Variants in CDH13 observed in about 807,000 individuals in gnomAD.
The protein encoded by CDH13 is cadherin-13.
A neutral mutation model predicts 63.8 loss-of-function variants in CDH13; 24 were observed. The ratio of observed to expected loss-of-function variants is 0.38; its 90% CI spans 0.27 to 0.53. The LOEUF is 0.53. CDH13 is among the 20% of genes least tolerant of loss of function. The probability of loss-of-function intolerance (pLI) is 0.85; values close to 1 mark genes in which losing one functional copy is unlikely to be tolerated. For missense variants in CDH13, 1,049 were observed against 903.1 expected (o/e 1.16, Z -2.07); for synonymous variants, 503 against 355.3 (o/e 1.42, Z -4.67).
At chr16:82,742,122 A>G (rs555977627) in intron 1 of CDH13, among the ~76,000 whole-genome samples, 5 of 152,182 alleles carry the variant, frequency 3.3e-5, no homozygotes, top group African/African-American at 4.8e-5. Flanking sequence ...AGTTAATAAA[A>G]TGGGAAAAGG....
At chr16:83,233,761 C>G (rs964667022) in intron 5 of CDH13, among the ~76,000 whole-genome samples, 3 of 152,166 alleles carry the variant, frequency 2.0e-5, no homozygotes, top group Non-Finnish European at 4.4e-5. Context: ...AATCCAGGAT[C>G]CTTTCTTTAA....
At chr16:83,487,884 C>T (rs946808678) in intron 7 of CDH13, among the ~76,000 whole-genome samples, 3 of 152,196 alleles carry the variant, frequency 2.0e-5, no homozygotes, top group Admixed American at 1.3e-4. Context: ...TTCTGGATTA[C>T]ATCAACCCCT....
At chr16:83,565,284 T>C (rs2075772941) in intron 7 of CDH13, among the ~76,000 whole-genome samples, 1 of 151,916 alleles carries the variant, frequency 6.6e-6, no homozygotes, top group South Asian at 2.1e-4. Context: ...GAAAGAGTTC[T>C]CGAAGCCCTC....
intron 7 of CDH13, among the ~76,000 whole-genome samples, chr16:83,547,111 G>A (rs902536381): frequency 6.6e-6 from 1 of 152,140 alleles, no homozygotes; most frequent in Non-Finnish European, 1.5e-5. Context: ...GGAGAATGGT[G>A]GAGTATGATA....
chr16:83,089,738 G>T (rs1312337479), intron 3 of CDH13, among the ~76,000 whole-genome samples: 2 of 152,142 alleles, frequency 1.3e-5, no homozygotes, highest in African/African-American at 2.4e-5. Context: ...TGCTATAAGG[G>T]CTACACGTCG....
At chr16:83,359,319 C>G (rs1384295822) in intron 6 of CDH13, among the ~76,000 whole-genome samples, 1 of 152,138 alleles carries the variant, frequency 6.6e-6, no homozygotes, top group Non-Finnish European at 1.5e-5. Flanking sequence ...AACAATGCCC[C>G]AAAAGGATGG....
At chr16:82,903,995 A>C (rs1418218827) in intron 2 of CDH13, among the ~76,000 whole-genome samples, 1 of 152,176 alleles carries the variant, frequency 6.6e-6, no homozygotes, top group African/African-American at 2.4e-5. Context: ...GAAGTCATAG[A>C]ATCCTGTGAT....
chr16:83,516,260 AC>A (rs2074696993), intron 7 of CDH13, among the ~76,000 whole-genome samples: 1 of 152,154 alleles, frequency 6.6e-6, no homozygotes, highest in African/African-American at 2.4e-5. Context: ...CAGCACTGGA[AC>A]CGTTTGGGGA....
intron 6 of CDH13, among the ~76,000 whole-genome samples, chr16:83,402,244 G>A (rs752690159): frequency 6.6e-5 from 10 of 152,004 alleles, no homozygotes; most frequent in South Asian, 4.2e-4. Context: ...TCTGGCTCCC[G>A]GAGCGCCACC....
chr16:83,573,368 G>C (rs898105912), intron 7 of CDH13, among the ~76,000 whole-genome samples: 1 of 152,154 alleles, frequency 6.6e-6, no homozygotes, highest in Non-Finnish European at 1.5e-5. Context: ...GAAGCCAATG[G>C]GTTCAGCAAA....
chr16:83,215,500 G>T (rs909291784), intron 4 of CDH13, among the ~76,000 whole-genome samples: 12 of 33,070 alleles, frequency 3.6e-4, no homozygotes, highest in Admixed American at 2.9e-3. Flanking sequence ...TTTTTTAATC[G>T]GAAAAAAAAA....
At chr16:83,434,687 C>G (rs2072232667) in intron 6 of CDH13, among the ~76,000 whole-genome samples, 1 of 151,840 alleles carries the variant, frequency 6.6e-6, no homozygotes, top group African/African-American at 2.4e-5. Flanking sequence ...AATCCATGTC[C>G]CAGCCCTGCC....
At chr16:82,659,508 G>A (rs190956835) in intron 1 of CDH13, among the ~76,000 whole-genome samples, 6 of 152,068 alleles carry the variant, frequency 3.9e-5, no homozygotes, top group Non-Finnish European at 7.4e-5. Context: ...AAAAAATAAC[G>A]TAAAACCATA....
chr16:83,781,458 G>A (rs1387386377), intron 12 of CDH13, among the ~76,000 whole-genome samples: 2 of 152,130 alleles, frequency 1.3e-5, no homozygotes, highest in African/African-American at 4.8e-5. Context: ...CATTTCATTA[G>A]GTTTTGCAAA....
At chr16:83,308,310 T>A (rs8058430) in intron 5 of CDH13, among the ~76,000 whole-genome samples, 3,620 of 152,262 alleles carry the variant, frequency 0.024, 73 homozygotes, top group African/African-American at 0.061. Context: ...ATTAGCAAGA[T>A]GCTTGAAGGA....
intron 7 of CDH13, among the ~76,000 whole-genome samples, chr16:83,589,081 G>T (rs1340090743): frequency 3.9e-5 from 6 of 152,212 alleles, no homozygotes; most frequent in Non-Finnish European, 8.8e-5. Context: ...CGAGGTGTCA[G>T]CAGGTCTGGA....
At chr16:83,181,259 A>C (rs1362702562) in intron 4 of CDH13, among the ~76,000 whole-genome samples, 3 of 152,212 alleles carry the variant, frequency 2.0e-5, no homozygotes, top group Admixed American at 6.5e-5. Flanking sequence ...TTTAATTGCA[A>C]CGTGTCCCAA....
At chr16:83,138,556 A>G (rs2036396825) in intron 4 of CDH13, among the ~76,000 whole-genome samples, 1 of 152,194 alleles carries the variant, frequency 6.6e-6, no homozygotes, top group African/African-American at 2.4e-5. Context: ...GAATAATTCA[A>G]AGTGGCTGTG....
At chr16:83,493,221 G>T (rs983549177) in intron 7 of CDH13, among the ~76,000 whole-genome samples, 11 of 152,208 alleles carry the variant, frequency 7.2e-5, no homozygotes, top group African/African-American at 2.7e-4. Flanking sequence ...TTCCATGATT[G>T]ACAATGAGAC....
Sources: allele counts gnomAD v4.1 joint callset (sites outside exome capture counted in the v4.1 genomes callset), GRCh38; gene constraint gnomAD v4.1.1; transcripts MANE v1.5; gene names NCBI Gene and HGNC (gene_info 2026-07-23, HGNC 2026-07-21).